The following METAP1 variants were observed in gnomAD, a reference collection of about 807,000 sequenced individuals.
METAP1 encodes methionine aminopeptidase 1.
A neutral mutation model predicts 53.8 loss-of-function variants in METAP1; 28 were observed. The ratio of observed to expected loss-of-function variants is 0.52; its 90% CI spans 0.39 to 0.71. METAP1 has a LOEUF of 0.71. METAP1 is among the 30% of genes least tolerant of loss of function. METAP1 has a pLI of 0.00. For synonymous variants in METAP1, 181 were observed against 165.7 expected (o/e 1.09, Z -0.71); for missense variants, 389 against 479.8 (o/e 0.81, Z 1.77).
Position 99,061,390 on chromosome 4 carries a change from A to C in METAP1, c.*73A>C. On this transcript the variant is annotated 3_prime_UTR_variant, in exon 11 of 11. Coordinates refer to ENST00000296411, the MANE Select transcript of METAP1 (RefSeq NM_015143.3). Reference sequence around the variant, plus strand: ...TTTTATTGAGAGTACAGAAAGGAAGAGGAACCTTTTTTTAATCACTTGTTT... The same window carrying C: ...TTTTATTGAGAGTACAGAAAGGAAGCGGAACCTTTTTTTAATCACTTGTTT... The C allele has an allele frequency of 7.3e-7, 1 of 1,378,682 alleles. No individual in the cohort carries two copies. The highest frequency in any genetic ancestry group is 2.4e-5 in the Admixed American group (1 of 40,952). The allele number at this position is 1,378,682 out of a possible 1,614,324, so 85.4% of individuals were successfully genotyped here. A position where few individuals can be genotyped will look rare whatever the true frequency, so the allele number is the denominator to read the frequency against.
intron 1 of METAP1, among the ~76,000 whole-genome samples, chr4:99,009,936 A>G (rs1490962720): frequency 1.3e-5 from 2 of 152,188 alleles, no homozygotes; most frequent in Non-Finnish European, 1.5e-5. Context: ...TCTCCAAACA[A>G]TCATTGCCTA....
intron 1 of METAP1, among the ~76,000 whole-genome samples, chr4:98,999,117 G>GA (rs1722797401): frequency 6.6e-6 from 1 of 152,060 alleles, no homozygotes; most frequent in African/African-American, 2.4e-5. Context: ...GAGAATGTCT[G>GA]TTTTTTAGTC....
At chr4:99,048,013 C>G (rs1006756628) in intron 8 of METAP1, among the ~76,000 whole-genome samples, 57 of 152,302 alleles carry the variant, frequency 3.7e-4, no homozygotes, top group African/African-American at 1.4e-3. Context: ...GGCTGAAACT[C>G]AGGACAATTC....
At chr4:99,027,403 C>T (rs953000971) in intron 1 of METAP1, among the ~76,000 whole-genome samples, 2 of 152,046 alleles carry the variant, frequency 1.3e-5, no homozygotes, top group Non-Finnish European at 2.9e-5. Flanking sequence ...GCTTCAAGGA[C>T]AAGTGGCCTG....
chr4:99,012,738 C>A (rs1339062480), intron 1 of METAP1, among the ~76,000 whole-genome samples: 1 of 149,990 alleles, frequency 6.7e-6, no homozygotes, highest in Non-Finnish European at 1.5e-5. Context: ...GTGACACAGC[C>A]TCAGGAGTTC....
intron 1 of METAP1, among the ~76,000 whole-genome samples, chr4:99,014,527 A>G (rs1723643338): frequency 6.6e-6 from 1 of 152,214 alleles, no homozygotes; most frequent in South Asian, 2.1e-4. Flanking sequence ...CCACCAAAAT[A>G]ACGTTGACTC....
intron 7 of METAP1, among the ~76,000 whole-genome samples, 195 bp downstream of exon 7, chr4:99,043,582 C>T (rs1014702869): frequency 1.3e-5 from 2 of 152,058 alleles, no homozygotes; most frequent in Admixed American, 6.6e-5. Flanking sequence ...AAGATACTTC[C>T]GGTGTGATGT....
chr4:98,996,859 T>C (rs573938780), intron 1 of METAP1, among the ~76,000 whole-genome samples: 1 of 152,228 alleles, frequency 6.6e-6, no homozygotes, highest in African/African-American at 2.4e-5. Context: ...GGTAGCGTCC[T>C]GTGGGGAGGA....
At chr4:99,011,901 T>C (rs1000052059) in intron 1 of METAP1, among the ~76,000 whole-genome samples, 2 of 152,124 alleles carry the variant, frequency 1.3e-5, no homozygotes, top group African/African-American at 4.8e-5. Flanking sequence ...GATCGCTCCA[T>C]TTCACTCCAG....
chr4:99,034,179 C>A (rs1725264794), intron 2 of METAP1, 51 bp from the exon 3 acceptor site: 3 of 1,116,568 alleles, frequency 2.7e-6, no homozygotes, highest in Non-Finnish European at 4.0e-6. Flanking sequence ...CTGAAACATT[C>A]CTTTCCCTCC....
chr4:99,001,062 T>C (rs1228038733), intron 1 of METAP1, among the ~76,000 whole-genome samples: 1 of 152,248 alleles, frequency 6.6e-6, no homozygotes, highest in Non-Finnish European at 1.5e-5. Context: ...ATTGCCGTTA[T>C]AACATGCAGT....
intron 9 of METAP1, among the ~76,000 whole-genome samples, chr4:99,054,631 T>C (rs1036636295): frequency 1.3e-5 from 2 of 152,262 alleles, no homozygotes; most frequent in South Asian, 2.1e-4. Context: ...GCTTTTGGCC[T>C]ATCTAGGCTA....
intron 1 of METAP1, among the ~76,000 whole-genome samples, chr4:99,013,116 A>T (rs536705051): frequency 2.0e-4 from 30 of 152,264 alleles, no homozygotes; most frequent in African/African-American, 5.5e-4. Flanking sequence ...GACACATTGG[A>T]TTGAGAGTAT....
intron 4 of METAP1, chr4:99,039,097 G>T: frequency 4.3e-6 from 1 of 230,718 alleles, no homozygotes; most frequent in Non-Finnish European, 8.3e-6. Flanking sequence ...ATTATCACAC[G>T]GCCTGGCATA....
At chr4:99,017,969 A>G (rs942150883) in intron 1 of METAP1, among the ~76,000 whole-genome samples, 2 of 152,266 alleles carry the variant, frequency 1.3e-5, no homozygotes, top group Non-Finnish European at 2.9e-5. Flanking sequence ...TAAAGAAGGC[A>G]GGGCTAAAAC....
chr4:99,004,488 C>CAT (rs1156364134), intron 1 of METAP1, among the ~76,000 whole-genome samples: 54 of 32,164 alleles, frequency 1.7e-3, no homozygotes, highest in Admixed American at 4.5e-3. Context: ...CACACATACA[C>CAT]ACACACACAC....
intron 9 of METAP1, among the ~76,000 whole-genome samples, chr4:99,057,524 T>C (rs1481817618): frequency 1.4e-5 from 2 of 145,758 alleles, no homozygotes; most frequent in Non-Finnish European, 3.0e-5. Flanking sequence ...AATACCTCTG[T>C]TTTCCTAGAG....
chr4:99,061,193 C>T lies in METAP1; in HGVS notation c.1037C>T (p.Ala346Val), dbSNP rs1215017169. The T allele has an allele frequency of 5.0e-6, 8 of 1,613,514 alleles. No individual in the cohort carries two copies. Among genetic ancestry groups the T allele is most frequent in the Admixed American group, 3.3e-5 (2 of 59,950 alleles). Reference sequence around the variant, plus strand: ...GAAACCTGGCCAGATGGTTGGACTGCGGTGACAAGAGACGGAAAGCGGTCT... The same window carrying T: ...GAAACCTGGCCAGATGGTTGGACTGTGGTGACAAGAGACGGAAAGCGGTCT... ...QDETWPDGWT[A>V]VTRDGKRSAQ... The change falls in exon 11 of 11, where the codon GCG (alanine) becomes GTG (valine). Residue 346 changes from alanine to valine, a missense_variant. Transcript: ENST00000296411.
intron 1 of METAP1, among the ~76,000 whole-genome samples, chr4:99,006,423 A>G (rs1723181808): frequency 6.6e-6 from 1 of 152,018 alleles, no homozygotes; most frequent in East Asian, 1.9e-4. Context: ...CTAAGTTAAC[A>G]TTTTGCTGTA....
Sources: allele counts gnomAD v4.1 joint callset (sites outside exome capture counted in the v4.1 genomes callset), GRCh38; gene constraint gnomAD v4.1.1; transcripts MANE v1.5; gene names NCBI Gene and HGNC (gene_info 2026-07-23, HGNC 2026-07-21).